PDE4D: variants seen among roughly 807,000 people sequenced by gnomAD.
PDE4D encodes the protein phosphodiesterase 4D.
A neutral mutation model predicts 87.4 loss-of-function variants in PDE4D; 24 were observed. That is an observed-to-expected ratio of 0.27 (90% CI 0.20 to 0.39). PDE4D has a LOEUF of 0.39. Ranked by LOEUF, PDE4D falls within the 10% of genes least tolerant of loss-of-function variation. The probability of loss-of-function intolerance (pLI) is 1.00; values close to 1 mark genes in which losing one functional copy is unlikely to be tolerated. For synonymous variants in PDE4D, 384 were observed against 383.2 expected (o/e 1.00, Z -0.02); for missense variants, 714 against 1,041.0 (o/e 0.69, Z 4.32).
chr5:60,497,335 G>T lies in PDE4D; in HGVS notation n.70+24716C>A, dbSNP rs533681583. ...TTATAATCACAATGCTAATTGGGGG[G>T]TTAGGTGTTAGGCATCTTCTCTTAT... On this transcript the variant is annotated intron_variant and non_coding_transcript_variant, in intron 1 of 2. Coordinates refer to the PDE4D transcript ENST00000506510. Among the ~76,000 whole-genome samples the T allele has an allele frequency of 2.1e-3, 317 of 152,210 alleles. 1 individual carries two copies. Among genetic ancestry groups the T allele is most frequent in the African/African-American group, 7.3e-3 (304 of 41,532 alleles).
chr5:60,125,514 C>T (rs1245887204), intron 2 of PDE4D, among the ~76,000 whole-genome samples: 3 of 152,002 alleles, frequency 2.0e-5, no homozygotes, highest in East Asian at 1.9e-4. Context: ...ACCCATCTTC[C>T]AGAGGTTGTA....
At chr5:60,106,855 A>T (rs1323125659) in intron 2 of PDE4D, among the ~76,000 whole-genome samples, 1 of 151,860 alleles carries the variant, frequency 6.6e-6, no homozygotes, top group African/African-American at 2.4e-5. Flanking sequence ...ACACATTCAA[A>T]GCAGTGTGTA....
chr5:59,067,110 G>A (rs904107345), intron 5 of PDE4D, among the ~76,000 whole-genome samples: 1 of 151,792 alleles, frequency 6.6e-6, no homozygotes, highest in African/African-American at 2.4e-5. Context: ...TCCTTCCCAG[G>A]TGCAAGTGAT....
intron 1 of PDE4D, among the ~76,000 whole-genome samples, chr5:60,291,537 C>T (rs1019031106): frequency 3.6e-4 from 54 of 151,510 alleles, no homozygotes; most frequent in Admixed American, 1.2e-3. Context: ...ACAAATATAA[C>T]GTTTTTAGAG....
At chr5:59,018,941 C>CTT (rs34235697) in intron 6 of PDE4D, among the ~76,000 whole-genome samples, 14,481 of 138,750 alleles carry the variant, frequency 0.1, 1,163 homozygotes, top group East Asian at 0.47. Flanking sequence ...CCTGCCCCCT[C>CTT]TTTTTTTTTT....
intron 3 of PDE4D, among the ~76,000 whole-genome samples, chr5:59,972,149 C>A (rs1760838217): frequency 6.6e-6 from 1 of 152,174 alleles, no homozygotes. Context: ...CTAGGAACAT[C>A]AGATTGACTA....
chr5:60,121,873 T>C (rs532031727), intron 2 of PDE4D, among the ~76,000 whole-genome samples: 1 of 152,288 alleles, frequency 6.6e-6, no homozygotes, highest in South Asian at 2.1e-4. Context: ...CTTCCACCTA[T>C]GAGCCCGTAA....
chr5:60,468,298 C>A (rs768240501), intron 1 of PDE4D, among the ~76,000 whole-genome samples: 4 of 151,958 alleles, frequency 2.6e-5, no homozygotes, highest in Admixed American at 1.3e-4. Context: ...GCCACCACAC[C>A]TGGCTAATTT....
At chr5:59,729,808 A>T (rs972232619) in intron 1 of PDE4D, among the ~76,000 whole-genome samples, 1 of 152,118 alleles carries the variant, frequency 6.6e-6, no homozygotes, top group African/African-American at 2.4e-5. Context: ...TTACAAATTA[A>T]TTAAAAATAC....
chr5:60,166,707 T>C (rs1179562985), intron 2 of PDE4D, among the ~76,000 whole-genome samples: 2 of 152,230 alleles, frequency 1.3e-5, no homozygotes, highest in Non-Finnish European at 2.9e-5. Flanking sequence ...TTATTCCAGC[T>C]TGAAGAACTC....
At chr5:59,565,868 A>G (rs1179596810) in intron 1 of PDE4D, among the ~76,000 whole-genome samples, 1 of 152,198 alleles carries the variant, frequency 6.6e-6, no homozygotes, top group East Asian at 1.9e-4. Flanking sequence ...GGGAGAGTAC[A>G]TGAGTAGTGG....
At chr5:59,260,332 C>T (rs1015464545) in intron 1 of PDE4D, among the ~76,000 whole-genome samples, 3 of 151,844 alleles carry the variant, frequency 2.0e-5, no homozygotes, top group Admixed American at 6.6e-5. Context: ...CACACCTACG[C>T]TATATTTAGG....
At chr5:59,043,597 G>A (rs958230301) in intron 5 of PDE4D, among the ~76,000 whole-genome samples, 2 of 152,072 alleles carry the variant, frequency 1.3e-5, no homozygotes, top group Non-Finnish European at 2.9e-5. Flanking sequence ...GGGTACATGT[G>A]CACAATGTGC....
At chr5:59,291,259 A>G (rs1471077035) in intron 1 of PDE4D, among the ~76,000 whole-genome samples, 7 of 152,138 alleles carry the variant, frequency 4.6e-5, no homozygotes, top group Non-Finnish European at 1.0e-4. Context: ...CATAAAAAAG[A>G]ATGAGGTCCT....
chr5:60,048,871 T>G (rs1344976412), intron 2 of PDE4D, among the ~76,000 whole-genome samples: 1 of 152,186 alleles, frequency 6.6e-6, no homozygotes, highest in Non-Finnish European at 1.5e-5. Flanking sequence ...GAGGAGTATC[T>G]TTTTGGCATT....
At position 59,011,684 on chromosome 5, in the gene PDE4D, G is replaced by A. The variant is rs150253229; in HGVS notation, c.922-18219C>T. ...AAGACCAAATCTACATCTGATTGGT[G>A]TACCTGAAAGTGATGGGAGAATGGA... On this transcript the variant is annotated intron_variant, in intron 6 of 14. Coordinates refer to ENST00000340635, the MANE Select transcript of PDE4D (RefSeq NM_001104631.2). Among the ~76,000 whole-genome samples, 825 of 152,332 alleles carry A rather than the reference G, an allele frequency of 5.4e-3. 9 individuals carry two copies. The highest frequency in any genetic ancestry group is 0.019 in the African/African-American group (810 of 41,576).
chr5:59,587,628 AGCAGCCTGGCT>A, intron 1 of PDE4D: 1 of 985,358 alleles, frequency 1.0e-6, no homozygotes, highest in Non-Finnish European at 1.2e-6. Flanking sequence ...TTAACTCTGC[AGCAGCCTGGCT>A]CAGCTGCAGA....
chr5:59,154,215 C>T (rs1779847344), intron 5 of PDE4D, among the ~76,000 whole-genome samples: 1 of 152,072 alleles, frequency 6.6e-6, no homozygotes, highest in East Asian at 1.9e-4. Flanking sequence ...CATGGAAGGC[C>T]AGAGCTAAGA....
At chr5:59,174,052 A>G (rs1378894646) in intron 5 of PDE4D, among the ~76,000 whole-genome samples, 2 of 152,212 alleles carry the variant, frequency 1.3e-5, no homozygotes, top group Admixed American at 1.3e-4. Context: ...CTTTCATTCG[A>G]TAAGCTCAAA....
Sources: gnomAD v4.1 joint callset for allele counts (sites outside exome capture counted in the v4.1 genomes callset) on GRCh38, gnomAD v4.1.1 for gene constraint, MANE v1.5 for transcripts, NCBI Gene and HGNC (gene_info 2026-07-23, HGNC 2026-07-21) for gene names.